Variants in FARS2 observed in about 807,000 individuals in gnomAD.
FARS2 encodes phenylalanyl-tRNA synthetase 2, mitochondrial.
FARS2 carries 40 observed loss-of-function variants against 46.4 expected under a neutral mutation model. The ratio of observed to expected loss-of-function variants is 0.86; its 90% CI spans 0.67 to 1.12. FARS2 has a LOEUF of 1.12. Ranked by LOEUF, FARS2 falls within the 50% of genes most tolerant of loss-of-function variation. FARS2 has a pLI of 0.00. For missense variants in FARS2, 513 were observed against 567.9 expected (o/e 0.90, Z 0.98); for synonymous variants, 234 against 214.9 (o/e 1.09, Z -0.78).
chr6:5,267,180 T>C (rs919805698), intron 1 of FARS2, among the ~76,000 whole-genome samples: 1 of 151,902 alleles, frequency 6.6e-6, no homozygotes, highest in Non-Finnish European at 1.5e-5. Context: ...AACTCATTAA[T>C]TCTTTTCATT....
chr6:5,657,241 C>T (rs1777645414), intron 6 of FARS2, among the ~76,000 whole-genome samples: 1 of 152,086 alleles, frequency 6.6e-6, no homozygotes, highest in African/African-American at 2.4e-5. Context: ...GCTTCCACCC[C>T]CCTCACAGTT....
chr6:5,757,656 A>C (rs111963861), intron 6 of FARS2, among the ~76,000 whole-genome samples: 2,031 of 152,342 alleles, frequency 0.013, 53 homozygotes, highest in African/African-American at 0.045. Context: ...GATTAAGAGC[A>C]TAGCTTTGGA....
At chr6:5,613,463 G>C (rs1775298978) in intron 6 of FARS2, 143 bp downstream of exon 6, 1 of 587,972 alleles carries the variant, frequency 1.7e-6, no homozygotes, top group East Asian at 3.1e-5. Context: ...TAGCTTATCA[G>C]AAAACTCTTT....
intron 1 of FARS2, among the ~76,000 whole-genome samples, chr6:5,359,455 T>G (rs998079431): frequency 1.3e-5 from 2 of 152,202 alleles, no homozygotes; most frequent in African/African-American, 4.8e-5. Context: ...AAAAAGACAT[T>G]GTCTGCACAA....
At chr6:5,710,390 C>A (rs1441332180) in intron 6 of FARS2, among the ~76,000 whole-genome samples, 1 of 152,162 alleles carries the variant, frequency 6.6e-6, no homozygotes, top group African/African-American at 2.4e-5. Flanking sequence ...TCTACTCAGG[C>A]CAAGATAGAG....
In FARS2 at chr6:5,611,807, C is replaced by A. The variant is rs142061756; in HGVS notation, c.1066-1362C>A. The stretch of plus-strand genomic sequence containing the variant: ...GTTGACACGTGTTTCATTGGGACAC[C>A]TTCTGCCATTTCTCTGTCACCGTGC... On this transcript the variant is annotated intron_variant, in intron 5 of 6. Coordinates refer to ENST00000274680, the MANE Select transcript of FARS2 (RefSeq NM_006567.5). Among the ~76,000 whole-genome samples the A allele has an allele frequency of 3.0e-3, 452 of 152,266 alleles. 5 individuals are homozygous for A. The highest frequency in any genetic ancestry group is 4.8e-3 in the Non-Finnish European group (325 of 68,024).
chr6:5,489,912 T>C (rs1766998708), intron 4 of FARS2, among the ~76,000 whole-genome samples: 1 of 152,234 alleles, frequency 6.6e-6, no homozygotes, highest in South Asian at 2.1e-4. Flanking sequence ...TTTATTACGG[T>C]ATTATTTACG....
chr6:5,525,528 C>T (rs538654527), intron 4 of FARS2, among the ~76,000 whole-genome samples: 1 of 152,280 alleles, frequency 6.6e-6, no homozygotes, highest in African/African-American at 2.4e-5. Context: ...CTCTGATTAC[C>T]GTAGCTTCAT....
chr6:5,678,427 G>C (rs1234215888), intron 6 of FARS2, among the ~76,000 whole-genome samples: 3 of 152,202 alleles, frequency 2.0e-5, no homozygotes, highest in African/African-American at 7.2e-5. Flanking sequence ...TCCTGGAAGA[G>C]GGTACTTGTT....
intron 1 of FARS2, among the ~76,000 whole-genome samples, chr6:5,361,549 T>C (rs1758303837): frequency 1.3e-5 from 2 of 152,240 alleles, no homozygotes; most frequent in African/African-American, 2.4e-5. Context: ...TGCCTGCTTA[T>C]AGCCCTTCTC....
chr6:5,306,005 T>C (rs1194613805), intron 1 of FARS2, among the ~76,000 whole-genome samples: 3 of 152,150 alleles, frequency 2.0e-5, no homozygotes, highest in African/African-American at 7.2e-5. Flanking sequence ...GGAGAACATA[T>C]AATGGTAGAT....
intron 4 of FARS2, among the ~76,000 whole-genome samples, chr6:5,526,742 G>A (rs147905053): frequency 1.3e-5 from 2 of 151,926 alleles, no homozygotes; most frequent in South Asian, 4.2e-4. Flanking sequence ...TCAGTCTCCC[G>A]AGTAACTGGG....
chr6:5,277,027 C>T (rs1281785409), intron 1 of FARS2, among the ~76,000 whole-genome samples: 1 of 152,196 alleles, frequency 6.6e-6, no homozygotes, highest in Admixed American at 6.5e-5. Flanking sequence ...AATTTTTTCT[C>T]CCTGTGGTGT....
chr6:5,315,725 TCTTTCTTTCTTTTTTC>T (rs1465799365), intron 1 of FARS2, among the ~76,000 whole-genome samples: 1 of 145,768 alleles, frequency 6.9e-6, no homozygotes, highest in Non-Finnish European at 1.5e-5. Context: ...TCTCTTTCTT[TCTTTCTTTCTTTTTTC>T]CTTTCTTTCT....
At chr6:5,324,804 C>T (rs1333390819) in intron 1 of FARS2, among the ~76,000 whole-genome samples, 2 of 152,104 alleles carry the variant, frequency 1.3e-5, no homozygotes, top group African/African-American at 2.4e-5. Flanking sequence ...GGAAGAAGTG[C>T]CCCAAGGTCA....
intron 4 of FARS2, among the ~76,000 whole-genome samples, chr6:5,530,849 T>C (rs1769782274): frequency 6.8e-6 from 1 of 147,606 alleles, no homozygotes; most frequent in African/African-American, 2.5e-5. Flanking sequence ...AATATATCAA[T>C]AGATATATAT....
chr6:5,546,470 T>C (rs1389157980), intron 5 of FARS2, among the ~76,000 whole-genome samples: 2 of 151,636 alleles, frequency 1.3e-5, no homozygotes, highest in Non-Finnish European at 1.5e-5. Flanking sequence ...CAGGCTGGTC[T>C]CAAACTCCTG....
chr6:5,657,689 T>C (rs1461919669), intron 6 of FARS2, among the ~76,000 whole-genome samples: 1 of 152,188 alleles, frequency 6.6e-6, no homozygotes, highest in Admixed American at 6.5e-5. Flanking sequence ...GCATTAACGG[T>C]TCTTAAAAGC....
At chr6:5,603,352 G>A (rs1459656059) in intron 5 of FARS2, among the ~76,000 whole-genome samples, 1 of 152,170 alleles carries the variant, frequency 6.6e-6, no homozygotes, top group Non-Finnish European at 1.5e-5. Flanking sequence ...TTACATAAAT[G>A]CAGAAGGAAG....
Sources: allele counts gnomAD v4.1 joint callset (sites outside exome capture counted in the v4.1 genomes callset), GRCh38; gene constraint gnomAD v4.1.1; transcripts MANE v1.5; gene names NCBI Gene and HGNC (gene_info 2026-07-23, HGNC 2026-07-21).